NECAB1: variants seen among roughly 807,000 people sequenced by gnomAD.
NECAB1 encodes the protein N-terminal EF-hand calcium binding protein 1, also known as N-terminal EF-hand calcium-binding protein 1.
Under a neutral mutation model 57.5 loss-of-function variants are expected in NECAB1, and 29 were observed. The ratio of observed to expected loss-of-function variants is 0.50; its 90% CI spans 0.38 to 0.69. The LOEUF is 0.69. Ranked by LOEUF, NECAB1 falls within the 30% of genes least tolerant of loss-of-function variation. NECAB1 has a pLI of 0.00. For missense variants in NECAB1, 372 were observed against 413.8 expected (o/e 0.90, Z 0.88); for synonymous variants, 142 against 147.7 (o/e 0.96, Z 0.28).
At chr8:90,923,227 A>G (rs1182391298) in intron 6 of NECAB1, among the ~76,000 whole-genome samples, 1 of 152,202 alleles carries the variant, frequency 6.6e-6, no homozygotes. Flanking sequence ...GAAGAACCCC[A>G]GACATAAGCT....
chr8:90,940,981 G>T, intron 10 of NECAB1, 83 bp downstream of exon 10: 1 of 984,192 alleles, frequency 1.0e-6, no homozygotes. Flanking sequence ...ACAAGGCTGG[G>T]GGTCTAGAAG....
intron 5 of NECAB1, among the ~76,000 whole-genome samples, chr8:90,916,765 A>G (rs949790963): frequency 6.6e-6 from 1 of 152,006 alleles, no homozygotes; most frequent in South Asian, 2.1e-4. Flanking sequence ...TCACCCATCT[A>G]CCTTGAGTAA....
chr8:90,917,456 C>A (rs202150678), intron 5 of NECAB1, 36 bp from the exon 6 acceptor site: 78 of 1,548,406 alleles, frequency 5.0e-5, no homozygotes, highest in Admixed American at 2.6e-4. Context: ...TTTTTTTCTA[C>A]CATACTTCTA....
At chr8:90,912,146 C>T (rs979137187) in intron 5 of NECAB1, among the ~76,000 whole-genome samples, 1 of 152,106 alleles carries the variant, frequency 6.6e-6, no homozygotes, top group African/African-American at 2.4e-5. Flanking sequence ...TGGGCTGACT[C>T]TCTAGATGTC....
chr8:90,946,218 A>C (rs1187992066), intron 10 of NECAB1, among the ~76,000 whole-genome samples: 1 of 152,202 alleles, frequency 6.6e-6, no homozygotes, highest in Non-Finnish European at 1.5e-5. Context: ...TCTGGTTAGC[A>C]CTTTCACCCA....
At chr8:90,917,870 A>ATATATATATATATATATATATGTGTGTG (rs1554575432) in intron 6 of NECAB1, among the ~76,000 whole-genome samples, 46 of 64,304 alleles carry the variant, frequency 7.2e-4, no homozygotes, top group East Asian at 3.4e-3. Context: ...ATATATATAT[A>ATATATATATATATATATATATGTGTGTG]TGTGTGTGTG....
intron 3 of NECAB1, among the ~76,000 whole-genome samples, chr8:90,835,212 A>G (rs1178543890): frequency 6.6e-6 from 1 of 152,220 alleles, no homozygotes; most frequent in Non-Finnish European, 1.5e-5. Context: ...CATAGTGTTT[A>G]GCACATATTG....
intron 6 of NECAB1, among the ~76,000 whole-genome samples, chr8:90,917,927 T>C (rs1248180675): frequency 5.0e-5 from 5 of 100,080 alleles, no homozygotes; most frequent in Non-Finnish European, 8.8e-5. Flanking sequence ...CACACACACA[T>C]ATATGTGTAT....
intron 5 of NECAB1, among the ~76,000 whole-genome samples, chr8:90,904,482 A>G (rs892168018): frequency 2.6e-5 from 4 of 152,078 alleles, no homozygotes; most frequent in Non-Finnish European, 4.4e-5. Flanking sequence ...AAATGAAAAC[A>G]TCAGGAAACC....
At chr8:90,873,094 G>A (rs1449152554) in intron 4 of NECAB1, among the ~76,000 whole-genome samples, 3 of 152,124 alleles carry the variant, frequency 2.0e-5, no homozygotes, top group Admixed American at 6.5e-5. Context: ...CAAAATATCA[G>A]AATACAGGGT....
At chr8:90,824,122 G>A (rs1477249249) in intron 2 of NECAB1, among the ~76,000 whole-genome samples, 1 of 151,686 alleles carries the variant, frequency 6.6e-6, no homozygotes, top group Non-Finnish European at 1.5e-5. Flanking sequence ...TACTTATAAT[G>A]TCTGTATATA....
intron 5 of NECAB1, among the ~76,000 whole-genome samples, chr8:90,910,237 T>G (rs944122481): frequency 2.6e-5 from 4 of 152,114 alleles, no homozygotes; most frequent in Non-Finnish European, 4.4e-5. Context: ...CTAGCTTATT[T>G]TTAAATACTT....
chr8:90,909,807 C>T (rs912640993), intron 5 of NECAB1, among the ~76,000 whole-genome samples: 19 of 152,008 alleles, frequency 1.2e-4, no homozygotes, highest in Non-Finnish European at 5.9e-5. Context: ...TATTCTCATA[C>T]ATATGGCATA....
At chr8:90,830,859 C>G (rs1199488884) in intron 3 of NECAB1, among the ~76,000 whole-genome samples, 4 of 152,102 alleles carry the variant, frequency 2.6e-5, no homozygotes, top group African/African-American at 7.2e-5. Context: ...TTTTTCTCAA[C>G]TCCTCTTAGG....
chr8:90,946,922 A>G (rs1810816139), intron 10 of NECAB1, among the ~76,000 whole-genome samples: 1 of 152,182 alleles, frequency 6.6e-6, no homozygotes, highest in Non-Finnish European at 1.5e-5. Flanking sequence ...CAAACTGAAC[A>G]GTGGCAGAGT....
rs34615882 is a variant in NECAB1 at position 90,840,950 on chromosome 8, CAAAAAA to C, written c.233+16137_233+16142del. Among the ~76,000 whole-genome samples, 10 of 121,666 alleles carry C rather than the reference CAAAAAA, an allele frequency of 8.2e-5. No individual in the cohort carries two copies. The East Asian group carries it at 1.3e-3, about 16-fold the overall frequency. The allele number at this position is 121,666 out of a possible 152,430, so 79.8% of individuals were successfully genotyped here. A position where few individuals can be genotyped will look rare whatever the true frequency, so the allele number is the denominator to read the frequency against. On this transcript the variant is annotated intron_variant, in intron 3 of 12. Transcript: ENST00000417640. ...ACAAAATGGTAGTGGTAAATCTATT[CAAAAAA>C]AAAAAAAAAAAGTGACCAAAGCCGG... is the stretch of plus-strand genomic sequence containing the variant.
intron 5 of NECAB1, among the ~76,000 whole-genome samples, chr8:90,898,527 C>G (rs1809418965): frequency 6.6e-6 from 1 of 152,226 alleles, no homozygotes; most frequent in South Asian, 2.1e-4. Flanking sequence ...GAAGTAGCAG[C>G]TCCAAGTGAG....
chr8:90,854,318 A>G (rs1230692525), intron 3 of NECAB1, among the ~76,000 whole-genome samples: 3 of 152,130 alleles, frequency 2.0e-5, no homozygotes, highest in African/African-American at 4.8e-5. Flanking sequence ...TGAAAACGCT[A>G]TGTCTGTAAT....
Position 90,821,946 on chromosome 8 carries a change from C to A in NECAB1, c.125-2771C>A, listed in dbSNP as rs562424853. 6.6e-4 allele frequency among the ~76,000 whole-genome samples: 100 copies of A among 151,962 alleles called. 1 individual carries two copies. The South Asian group carries it at 0.02, about 31-fold the overall frequency. On this transcript the variant is annotated intron_variant, in intron 2 of 12. Transcript: ENST00000417640. ...CTGTGGTCTAAGCAACTGCACTCTG[C>A]TGCCTCCATCTCAAAAAATTATTGG...
Sources: allele counts gnomAD v4.1 joint callset (sites outside exome capture counted in the v4.1 genomes callset), GRCh38; gene constraint gnomAD v4.1.1; transcripts MANE v1.5; gene names NCBI Gene and HGNC (gene_info 2026-07-23, HGNC 2026-07-21).